SMYD4: variants seen among roughly 807,000 people sequenced by gnomAD.
The protein encoded by SMYD4 is SET and MYND domain containing 4, also known as protein-lysine N-methyltransferase SMYD4.
Under a neutral mutation model 72.8 loss-of-function variants are expected in SMYD4, and 68 were observed. The observed-to-expected ratio is 0.93, with a 90% CI of 0.77 to 1.14. The LOEUF (loss-of-function observed/expected upper bound fraction) is 1.14. Ranked by LOEUF, SMYD4 falls within the 50% of genes most tolerant of loss-of-function variation. The pLI, the probability that SMYD4 is intolerant of heterozygous loss-of-function variation, is 0.00. For synonymous variants in SMYD4, 407 were observed against 388.6 expected, an observed-to-expected ratio of 1.05 and a Z score of -0.56; for missense variants, 984 against 1,003.7, an observed-to-expected ratio of 0.98 and a Z score of 0.27.
chr17:1,802,300 G>A (rs569016049), intron 4 of SMYD4, among the ~76,000 whole-genome samples: 3 of 152,012 alleles, frequency 2.0e-5, no homozygotes, highest in East Asian at 1.9e-4. Context: ...AGACCAACCC[G>A]GACAACACAG....
intron 5 of SMYD4, among the ~76,000 whole-genome samples, chr17:1,794,687 T>G (rs1459495610): frequency 5.9e-5 from 9 of 152,026 alleles, no homozygotes; most frequent in Non-Finnish European, 8.8e-5. Context: ...TTTTGTAGCT[T>G]TAATGCTCGT....
chr17:1,809,292 T>C (rs951577291), intron 3 of SMYD4, among the ~76,000 whole-genome samples: 6 of 152,182 alleles, frequency 3.9e-5, no homozygotes, highest in African/African-American at 1.4e-4. Context: ...CGGAAGGAAG[T>C]TGCTCAGGGG....
At chr17:1,803,013 G>A (rs922692189) in intron 4 of SMYD4, among the ~76,000 whole-genome samples, 2 of 152,316 alleles carry the variant, frequency 1.3e-5, no homozygotes, top group Admixed American at 6.5e-5. Context: ...GCGTGGTGGT[G>A]CACGCCTGTA....
In SMYD4 at chr17:1,799,864, T is replaced by C; in HGVS notation, c.1530A>G (p.Gln510=). ...QCNAQAMTTI[Q]HTGPKGSIVT... ...CATCAGGTTCCCTCTTACCTGTGTG[T>C]TGTATGGTGGTCATCGCCTGAGCGT... The change falls in exon 5 of 11, where the codon CAA becomes CAG. Residue 510 remains glutamine (Q), a synonymous_variant. Coordinates refer to ENST00000305513, the MANE Select transcript of SMYD4 (RefSeq NM_052928.3). The C allele has an allele frequency of 1.3e-6, 2 of 1,593,520 alleles. No individual in the cohort carries two copies. The highest frequency in any genetic ancestry group is 1.3e-5 in the African/African-American group (1 of 74,750).
At position 1,798,234 on chromosome 17, in the gene SMYD4, G is replaced by T. The variant is rs188524557; in HGVS notation, c.1537+1623C>A. Among the ~76,000 whole-genome samples, 464 of 151,264 alleles carry T rather than the reference G, an allele frequency of 3.1e-3. 2 individuals carry two copies. Among genetic ancestry groups the T allele is most frequent in the African/African-American group, 0.011 (444 of 41,252 alleles). On this transcript the variant is annotated intron_variant, in intron 5 of 10. Coordinates refer to ENST00000305513, the MANE Select transcript of SMYD4 (RefSeq NM_052928.3). Reference sequence around the variant, plus strand: ...CAACCTCTGCCTCCTGGGCTGAAGTGATTCTCCTGCCTCAGCCTCCCAAGT... The same window carrying T: ...CAACCTCTGCCTCCTGGGCTGAAGTTATTCTCCTGCCTCAGCCTCCCAAGT...
In SMYD4 at chr17:1,800,664, C is replaced by A; in HGVS notation, c.730G>T (p.Gly244Cys). 6.2e-7 allele frequency: 1 copy of A among 1,614,170 alleles called. No homozygotes were observed. Among genetic ancestry groups the A allele is most frequent in the Non-Finnish European group, 8.5e-7 (1 of 1,180,022 alleles). Reference sequence around the variant, plus strand: ...TCTTTTGTGGCAACGAGACAGCGACCTTTTAAAGGATCTACGCATAAGCCG... The same window carrying A: ...TCTTTTGTGGCAACGAGACAGCGACATTTTAAAGGATCTACGCATAAGCCG... The part of the protein sequence containing the change: ...SIGLCVDPLK[G>C]RCLVATKDIL... The change falls in exon 5 of 11, where the codon GGT (glycine) becomes TGT (cysteine). Residue 244 changes from glycine (G) to cysteine (C), a missense_variant. Transcript: ENST00000305513.
intron 2 of SMYD4, among the ~76,000 whole-genome samples, chr17:1,825,149 A>G (rs574822278): frequency 6.6e-6 from 1 of 152,308 alleles, no homozygotes; most frequent in Admixed American, 6.5e-5. Context: ...ATGAGTAGGA[A>G]TTTAATTTTA....
intron 2 of SMYD4, among the ~76,000 whole-genome samples, chr17:1,824,186 T>C (rs1911039848): frequency 6.6e-6 from 1 of 151,962 alleles, no homozygotes; most frequent in Non-Finnish European, 1.5e-5. Context: ...CTACTAAAAA[T>C]ACAAACATTA....
intron 1 of SMYD4, among the ~76,000 whole-genome samples, chr17:1,828,233 C>T (rs934132132): frequency 6.6e-6 from 1 of 151,838 alleles, no homozygotes; most frequent in Non-Finnish European, 1.5e-5. Context: ...CACTTGTAGT[C>T]CCAGCTACTC....
At chr17:1,805,341 C>T (rs1909979476) in intron 3 of SMYD4, among the ~76,000 whole-genome samples, 2 of 151,982 alleles carry the variant, frequency 1.3e-5, no homozygotes, top group South Asian at 4.2e-4. Context: ...TGGCTTGAAC[C>T]TGGGAGGTGG....
chr17:1,801,002 C>A lies in SMYD4; in HGVS notation c.392G>T (p.Arg131Ile), dbSNP rs7224496. The change falls in exon 5 of 11, where the codon AGA (arginine) becomes ATA (isoleucine). Residue 131 changes from arginine (R) to isoleucine (I), a missense_variant. By Grantham distance (97) the Arg-to-Ile change is moderately conservative. Coordinates refer to ENST00000305513, the MANE Select transcript of SMYD4 (RefSeq NM_052928.3). The part of the protein sequence containing the change: ...QYETCLKDIN[R>I]AQTHGYPERL... The stretch of plus-strand genomic sequence containing the variant: ...TTCTGGATACCCATGTGTCTGTGCT[C>A]TGTTAATGTCTTTAAGACACGTCTG... The A allele has an allele frequency of 0.45, 727,013 of 1,610,408 alleles. 172,788 individuals are homozygous for A. Among genetic ancestry groups the A allele is most frequent in the Non-Finnish European group, 0.5 (592,064 of 1,177,116 alleles).
At chr17:1,783,239 C>T (rs1431520325) in intron 9 of SMYD4, 81 bp from the exon 10 acceptor site, 7 of 1,611,742 alleles carry the variant, frequency 4.3e-6, no homozygotes, top group East Asian at 4.5e-5. Context: ...GGAAATGGAA[C>T]GAGAGGGGGA....
At chr17:1,808,956 T>C (rs1024683318) in intron 3 of SMYD4, among the ~76,000 whole-genome samples, 17 of 152,228 alleles carry the variant, frequency 1.1e-4, no homozygotes, top group African/African-American at 4.8e-5. Context: ...GTGATCGTTT[T>C]TGGAAAATTA....
intron 3 of SMYD4, among the ~76,000 whole-genome samples, chr17:1,806,073 C>T (rs180725780): frequency 1.3e-5 from 2 of 151,604 alleles, no homozygotes; most frequent in African/African-American, 2.4e-5. Context: ...TACAGGCGCC[C>T]GCCACCACGC....
intron 4 of SMYD4, among the ~76,000 whole-genome samples, chr17:1,802,188 CATT>C (rs1909802323): frequency 6.6e-6 from 1 of 152,090 alleles, no homozygotes; most frequent in Admixed American, 6.6e-5. Context: ...AAATGATAAT[CATT>C]ATTATAAGAA....
intron 5 of SMYD4, among the ~76,000 whole-genome samples, chr17:1,794,105 A>ATATATATAT (rs1291818005): frequency 3.1e-4 from 4 of 12,986 alleles, no homozygotes; most frequent in Non-Finnish European, 4.1e-4. Flanking sequence ...ATATATATAT[A>ATATATATAT]TTTTTTTTTT....
At chr17:1,811,940 T>C (rs371508898) in intron 3 of SMYD4, 31 bp downstream of exon 3, 3 of 1,605,436 alleles carry the variant, frequency 1.9e-6, no homozygotes, top group Non-Finnish European at 2.5e-6. Context: ...GAAAAATAAA[T>C]AATAAATTGC....
At chr17:1,799,617 G>A (rs762284025) in intron 5 of SMYD4, among the ~76,000 whole-genome samples, 5 of 151,938 alleles carry the variant, frequency 3.3e-5, no homozygotes, top group Non-Finnish European at 5.9e-5. Context: ...CTTGTGATCT[G>A]CTCACCTCGG....
intron 1 of SMYD4, among the ~76,000 whole-genome samples, chr17:1,828,877 G>A (rs2151260267): frequency 6.6e-6 from 1 of 152,212 alleles, no homozygotes; most frequent in East Asian, 1.9e-4. Context: ...GATTACAGGC[G>A]TGAGCCACCG....
Sources: allele counts gnomAD v4.1 joint callset (sites outside exome capture counted in the v4.1 genomes callset), GRCh38; gene constraint gnomAD v4.1.1; transcripts MANE v1.5; gene names NCBI Gene and HGNC (gene_info 2026-07-23, HGNC 2026-07-21).